MAP2K1: variants seen among roughly 807,000 people sequenced by gnomAD.
The protein encoded by MAP2K1 is mitogen-activated protein kinase kinase 1.
MAP2K1 carries 16 observed loss-of-function variants against 46.3 expected under a neutral mutation model. That is an observed-to-expected ratio of 0.35 (90% CI 0.23 to 0.52). The LOEUF is 0.52. Ranked by LOEUF, MAP2K1 falls within the 20% of genes least tolerant of loss-of-function variation. MAP2K1 has a pLI of 0.94. For synonymous variants in MAP2K1, 183 were observed against 185.6 expected (o/e 0.99, Z 0.11); for missense variants, 263 against 497.1 (o/e 0.53, Z 4.48).
chr15:66,431,458 A>G (rs146745176), intron 1 of MAP2K1, among the ~76,000 whole-genome samples: 136 of 152,280 alleles, frequency 8.9e-4, no homozygotes, highest in African/African-American at 3.2e-3. Context: ...CTGAAAAAAA[A>G]AATTGAGTAT....
chr15:66,420,956 TACATATATACACACACATACATACAC>T (rs1461926799), intron 1 of MAP2K1, among the ~76,000 whole-genome samples: 2 of 38,632 alleles, frequency 5.2e-5, no homozygotes, highest in East Asian at 2.5e-3. Context: ...TACATACACA[TACATATATACACACACATACATACAC>T]ACACATACAT....
rs1352489872 is a variant in MAP2K1, at chr15:66,470,092, TTG to T, written c.569-11661_569-11660del. Among the ~76,000 whole-genome samples, 173 of 82,330 alleles carry T rather than the reference TTG, an allele frequency of 2.1e-3. 1 individual carries two copies. The highest frequency in any genetic ancestry group is 4.3e-3 in the South Asian group (9 of 2,070). 54.0% of individuals were successfully genotyped at this position (82,330 alleles called of 152,430 possible). On this transcript the variant is annotated intron_variant, in intron 5 of 10. Transcript: ENST00000307102. ...CCCTCCACCATGCCACTTTTTTTTC[TTG>T]TTTTTTTTTTTTTTTTTTTTTTTTG...
chr15:66,479,158 G>A (rs1030786555), intron 5 of MAP2K1, among the ~76,000 whole-genome samples: 6 of 151,616 alleles, frequency 4.0e-5, no homozygotes, highest in Non-Finnish European at 5.9e-5. Context: ...GTGCAGTGGT[G>A]TGATCTTGGC....
intron 5 of MAP2K1, among the ~76,000 whole-genome samples, chr15:66,456,868 A>C (rs1227716499): frequency 6.6e-6 from 1 of 152,164 alleles, no homozygotes; most frequent in African/African-American, 2.4e-5. Flanking sequence ...TGTTACCAGG[A>C]GATGGGGAGA....
At chr15:66,409,006 T>A (rs1288779208) in intron 1 of MAP2K1, among the ~76,000 whole-genome samples, 1 of 152,152 alleles carries the variant, frequency 6.6e-6, no homozygotes, top group Non-Finnish European at 1.5e-5. Context: ...GGCTTTGAGT[T>A]TATGAGGGGT....
At chr15:66,419,716 A>G (rs550552831) in intron 1 of MAP2K1, among the ~76,000 whole-genome samples, 1 of 151,982 alleles carries the variant, frequency 6.6e-6, no homozygotes, top group South Asian at 2.1e-4. Context: ...GTGTGTGTGT[A>G]TGTGTGTGTT....
chr15:66,420,411 A>G (rs1465137128), intron 1 of MAP2K1, among the ~76,000 whole-genome samples: 1 of 151,758 alleles, frequency 6.6e-6, no homozygotes, highest in Admixed American at 6.6e-5. Flanking sequence ...TACAAAAAGT[A>G]CAAAAATTAA....
intron 1 of MAP2K1, among the ~76,000 whole-genome samples, chr15:66,420,972 CATACAT>C (rs1422335587): frequency 9.9e-4 from 9 of 9,072 alleles, no homozygotes; most frequent in Admixed American, 8.0e-3. Context: ...TATACACACA[CATACAT>C]ACACACACAT....
At chr15:66,442,365 C>T (rs987693147) in intron 3 of MAP2K1, among the ~76,000 whole-genome samples, 26 of 152,170 alleles carry the variant, frequency 1.7e-4, no homozygotes, top group African/African-American at 5.8e-4. Flanking sequence ...CAACGTGATG[C>T]GTCCCTGCTT....
chr15:66,449,021 A>AAC (rs1555417279), intron 5 of MAP2K1, among the ~76,000 whole-genome samples: 2 of 150,890 alleles, frequency 1.3e-5, no homozygotes, highest in Non-Finnish European at 3.0e-5. Flanking sequence ...AAAAAAAAAA[A>AAC]AAAAAAACAA....
In MAP2K1 at chr15:66,410,880, C is replaced by T. The variant is rs146105708; in HGVS notation, c.80+23453C>T. On this transcript the variant is annotated intron_variant, in intron 1 of 10. Coordinates refer to ENST00000307102, the MANE Select transcript of MAP2K1 (RefSeq NM_002755.4). ...CATATTTGTTCTGCTTTACTAGCTA[C>T]ATTGTAAGCTTCTGCAGATGAAGAG... Among the ~76,000 whole-genome samples the T allele has an allele frequency of 1.1e-4, 16 of 152,272 alleles. No individual in the cohort carries two copies. The East Asian group carries it at 3.1e-3, about 29-fold the overall frequency.
intron 1 of MAP2K1, among the ~76,000 whole-genome samples, chr15:66,419,484 C>T (rs2093432399): frequency 6.6e-6 from 1 of 151,588 alleles, no homozygotes; most frequent in African/African-American, 2.4e-5. Context: ...TGTGCCACTG[C>T]ACTCCAGCCT....
intron 1 of MAP2K1, among the ~76,000 whole-genome samples, chr15:66,391,166 A>G (rs1313038643): frequency 6.6e-6 from 1 of 151,450 alleles, no homozygotes. Context: ...AGCTGGGACT[A>G]TAGGTGGGTA....
Position 66,435,161 on chromosome 15 carries a change from G to A in MAP2K1, c.215G>A (p.Ser72Asn), listed in dbSNP as rs547530008. Reference sequence around the variant, plus strand: ...AAGGATGACGACTTTGAGAAGATCAGTGAGCTGGGGGCTGGCAATGGCGGT... The same window carrying A: ...AAGGATGACGACTTTGAGAAGATCAATGAGCTGGGGGCTGGCAATGGCGGT... ...ELKDDDFEKISELGAGNGGVV... is the reference protein window; with the variant it reads ...ELKDDDFEKINELGAGNGGVV... Residue 72 changes from serine to asparagine, a missense_variant, in exon 2 of 11, where the codon AGT (serine) becomes AAT (asparagine). Ser to Asn is a conservative substitution (Grantham distance 46). Transcript: ENST00000307102. The A allele has an allele frequency of 2.5e-6, 4 of 1,614,168 alleles. No homozygotes were observed. In the African/African-American group the frequency reaches 5.3e-5, roughly 22 times the overall value.
rs185666825 is a variant in MAP2K1 at position 66,394,389 on chromosome 15, A to G, written c.80+6962A>G. On this transcript the variant is annotated intron_variant, in intron 1 of 10. Coordinates refer to ENST00000307102, the MANE Select transcript of MAP2K1 (RefSeq NM_002755.4). ...AGGCCCTGGAGGAAGAAAGGTTGAG[A>G]CAGGTTGATGTGCTTTTTTTTGTCT... 5.3e-4 allele frequency among the ~76,000 whole-genome samples: 72 copies of G among 136,084 alleles called. 1 individual carries two copies. The East Asian group carries it at 0.011, about 20-fold the overall frequency. The allele number at this position is 136,084 out of a possible 152,430, so 89.3% of individuals were successfully genotyped here.
chr15:66,399,023 G>A (rs991815642), intron 1 of MAP2K1, among the ~76,000 whole-genome samples: 1 of 152,048 alleles, frequency 6.6e-6, no homozygotes, highest in Non-Finnish European at 1.5e-5. Context: ...TCCGCCTGCC[G>A]CGGCCTCCCA....
intron 5 of MAP2K1, among the ~76,000 whole-genome samples, chr15:66,458,757 G>C (rs1352594187): frequency 6.6e-6 from 1 of 152,188 alleles, no homozygotes; most frequent in African/African-American, 2.4e-5. Flanking sequence ...CTGGACTCAA[G>C]TAATCCACTT....
chr15:66,414,860 C>G (rs764605826), intron 1 of MAP2K1: 6 of 265,834 alleles, frequency 2.3e-5, no homozygotes, highest in Non-Finnish European at 3.7e-5. Context: ...CAGCAACGAT[C>G]GAGACTGTGT....
chr15:66,413,914 T>C (rs74019601), intron 1 of MAP2K1, among the ~76,000 whole-genome samples: 1 of 147,736 alleles, frequency 6.8e-6, no homozygotes, highest in African/African-American at 2.6e-5. Context: ...TCTTCTTCTT[T>C]TTTTTTTTTT....
Sources: allele counts gnomAD v4.1 joint callset (sites outside exome capture counted in the v4.1 genomes callset), GRCh38; gene constraint gnomAD v4.1.1; transcripts MANE v1.5; gene names NCBI Gene and HGNC (gene_info 2026-07-23, HGNC 2026-07-21).